Variants in PAPPA2 observed in about 807,000 individuals in gnomAD.
The protein encoded by PAPPA2 is pappalysin-2.
A neutral mutation model predicts 176.4 loss-of-function variants in PAPPA2; 86 were observed. The observed-to-expected ratio is 0.49, with a 90% confidence interval of 0.41 to 0.58. PAPPA2 has a LOEUF of 0.58. Among genes scored for constraint, PAPPA2 ranks in the 20% least tolerant of loss-of-function variants. The pLI is 0.00. For missense variants in PAPPA2, 2,073 were observed against 2,256.9 expected, an observed-to-expected ratio of 0.92 and a Z score of 1.65; for synonymous variants, 809 against 852.2, an observed-to-expected ratio of 0.95 and a Z score of 0.88.
chr1:176,525,648 C>T (rs1392198867), intron 1 of PAPPA2, among the ~76,000 whole-genome samples: 1 of 152,158 alleles, frequency 6.6e-6, no homozygotes, highest in Non-Finnish European at 1.5e-5. Context: ...TTGAAAAACA[C>T]TACCTTAATC....
chr1:176,627,799 G>A (rs1344349895), intron 3 of PAPPA2, among the ~76,000 whole-genome samples: 1 of 152,114 alleles, frequency 6.6e-6, no homozygotes, highest in African/African-American at 2.4e-5. Flanking sequence ...ATAACAGTAG[G>A]AAAAGCAGAG....
intron 15 of PAPPA2, among the ~76,000 whole-genome samples, 176 bp downstream of exon 15, chr1:176,766,013 A>G (rs1379138546): frequency 1.3e-5 from 2 of 152,196 alleles, no homozygotes; most frequent in Non-Finnish European, 2.9e-5. Context: ...AGGTATATAA[A>G]AGCATGTACA....
At chr1:176,506,127 G>T (rs1648251150) in intron 1 of PAPPA2, among the ~76,000 whole-genome samples, 2 of 152,026 alleles carry the variant, frequency 1.3e-5, no homozygotes, top group African/African-American at 2.4e-5. Flanking sequence ...GCTTGTTTTT[G>T]TCAGCCTTGT....
chr1:176,766,157 T>C (rs1663954171), intron 15 of PAPPA2, among the ~76,000 whole-genome samples: 1 of 152,238 alleles, frequency 6.6e-6, no homozygotes, highest in Admixed American at 6.5e-5. Flanking sequence ...GACTTGTCTG[T>C]AATTTTCAGG....
intron 3 of PAPPA2, among the ~76,000 whole-genome samples, chr1:176,648,703 G>T (rs946191657): frequency 6.6e-6 from 1 of 151,442 alleles, no homozygotes; most frequent in Non-Finnish European, 1.5e-5. Flanking sequence ...TATGGCTTTT[G>T]TTCTTGGTTA....
At chr1:176,794,252 G>T (rs1665323247) in intron 20 of PAPPA2, among the ~76,000 whole-genome samples, 1 of 152,140 alleles carries the variant, frequency 6.6e-6, no homozygotes, top group Non-Finnish European at 1.5e-5. Flanking sequence ...GGAAGAATGA[G>T]GTCCTCCGGG....
In PAPPA2 at chr1:176,655,119, T is replaced by C. The variant is rs578099744; in HGVS notation, c.1992-15851T>C. ...TTCCAGTACTATGTTTGAACAGGAA[T>C]GGTGAAAGTGGGCAACCTTGTCTTG... On this transcript the variant is annotated intron_variant, in intron 3 of 22. Transcript: ENST00000367662. 2.6e-5 allele frequency among the ~76,000 whole-genome samples: 4 copies of C among 151,996 alleles called. 1 individual carries two copies. Among genetic ancestry groups the C allele is most frequent in the Admixed American group, 1.3e-4 (2 of 15,224 alleles).
At chr1:176,649,825 T>A (rs1370429910) in intron 3 of PAPPA2, among the ~76,000 whole-genome samples, 1 of 151,630 alleles carries the variant, frequency 6.6e-6, no homozygotes, top group East Asian at 1.9e-4. Flanking sequence ...TAACAGATCA[T>A]CAATCCTGAA....
chr1:176,477,078 C>T (rs1218075343), intron 1 of PAPPA2, among the ~76,000 whole-genome samples: 1 of 152,182 alleles, frequency 6.6e-6, no homozygotes, highest in Admixed American at 6.5e-5. Flanking sequence ...CAAGGGAAGC[C>T]TTTCAATCTC....
intron 4 of PAPPA2, among the ~76,000 whole-genome samples, chr1:176,676,256 G>A (rs937622626): frequency 2.2e-4 from 33 of 151,934 alleles, no homozygotes; most frequent in African/African-American, 7.2e-4. Context: ...TAAAATATAT[G>A]TCCACTTAAA....
intron 1 of PAPPA2, among the ~76,000 whole-genome samples, chr1:176,511,555 G>A (rs112107502): frequency 1.2e-3 from 180 of 152,250 alleles, no homozygotes; most frequent in Non-Finnish European, 2.2e-3. Flanking sequence ...CTAGGCAAAC[G>A]GTACCTAGAT....
intron 1 of PAPPA2, among the ~76,000 whole-genome samples, chr1:176,538,607 C>T (rs1167020901): frequency 6.6e-6 from 1 of 150,880 alleles, no homozygotes; most frequent in Non-Finnish European, 1.5e-5. Context: ...TAACCTTTCT[C>T]CGTTTCTTTT....
chr1:176,744,920 C>A (rs1662840314), intron 14 of PAPPA2, among the ~76,000 whole-genome samples: 1 of 151,972 alleles, frequency 6.6e-6, no homozygotes, highest in South Asian at 2.1e-4. Context: ...AAATGGGAAG[C>A]CAAGAGAAAT....
At chr1:176,714,291 C>G (rs1043100091) in intron 12 of PAPPA2, among the ~76,000 whole-genome samples, 1 of 152,056 alleles carries the variant, frequency 6.6e-6, no homozygotes, top group Admixed American at 6.5e-5. Flanking sequence ...GCTCCAAACC[C>G]CTAATGTTTA....
chr1:176,577,782 A>G (rs540779941), intron 2 of PAPPA2, among the ~76,000 whole-genome samples: 1 of 152,174 alleles, frequency 6.6e-6, no homozygotes, highest in South Asian at 2.1e-4. Context: ...TACAGGCATA[A>G]CATCCTGAGA....
At chr1:176,623,652 T>TTTCTTTCTTTCTTTCTTTC (rs1655766442) in intron 3 of PAPPA2, among the ~76,000 whole-genome samples, 1 of 132,642 alleles carries the variant, frequency 7.5e-6, no homozygotes, top group African/African-American at 3.0e-5. Flanking sequence ...TCTTTCTTTC[T>TTTCTTTCTTTCTTTCTTTC]TTCTTTCTTT....
intron 15 of PAPPA2, among the ~76,000 whole-genome samples, 178 bp downstream of exon 15, chr1:176,766,015 G>A (rs1663948226): frequency 6.6e-6 from 1 of 152,196 alleles, no homozygotes; most frequent in Admixed American, 6.5e-5. Context: ...GTATATAAAA[G>A]CATGTACAGT....
At chr1:176,597,101 C>T (rs1654026135) in intron 3 of PAPPA2, among the ~76,000 whole-genome samples, 2 of 152,028 alleles carry the variant, frequency 1.3e-5, no homozygotes, top group African/African-American at 4.8e-5. Context: ...AATAGAGTGG[C>T]CTGTACTTCA....
chr1:176,787,348 C>T (rs1337414811), intron 17 of PAPPA2, among the ~76,000 whole-genome samples: 2 of 152,004 alleles, frequency 1.3e-5, no homozygotes, highest in South Asian at 2.1e-4. Flanking sequence ...CATCCTCCCA[C>T]CTCAGCCTCC....
Sources: gnomAD v4.1 joint callset for allele counts (sites outside exome capture counted in the v4.1 genomes callset) on GRCh38, gnomAD v4.1.1 for gene constraint, MANE v1.5 for transcripts, NCBI Gene and HGNC (gene_info 2026-07-23, HGNC 2026-07-21) for gene names.